The following MIPOL1 variants were observed in gnomAD, a reference collection of about 807,000 sequenced individuals.
MIPOL1 encodes the protein mirror-image polydactyly gene 1 protein.
MIPOL1 carries 57 observed loss-of-function variants against 60.9 expected under a neutral mutation model. The observed-to-expected ratio is 0.94, with a 90% CI of 0.76 to 1.17. The LOEUF is 1.17. Among genes scored for constraint, MIPOL1 ranks in the 50% most tolerant of loss-of-function variants. The pLI is 0.00. For missense variants in MIPOL1, 551 were observed against 511.6 expected (o/e 1.08, Z -0.74); for synonymous variants, 179 against 168.8 (o/e 1.06, Z -0.47).
chr14:37,537,881 C>T (rs1023312567), intron 12 of MIPOL1, among the ~76,000 whole-genome samples: 4 of 152,206 alleles, frequency 2.6e-5, no homozygotes, highest in African/African-American at 9.7e-5. Flanking sequence ...TGCAAACACA[C>T]CATATTTGCC....
At chr14:37,269,646 T>C (rs2083141401) in intron 5 of MIPOL1, among the ~76,000 whole-genome samples, 1 of 152,158 alleles carries the variant, frequency 6.6e-6, no homozygotes, top group Non-Finnish European at 1.5e-5. Flanking sequence ...GATGGGGTAG[T>C]ATTCTCAAAG....
rs138863775 is a variant in MIPOL1 at position 37,395,344 on chromosome 14, G to A, written c.936+25720G>A. The stretch of plus-strand genomic sequence containing the variant: ...ATTTGTAGATTGCTTTTGGCAGTGC[G>A]GTCATTTTCAACAATATTGATTCTA... On this transcript the variant is annotated intron_variant, in intron 10 of 12. Transcript: ENST00000684589. Among the ~76,000 whole-genome samples, 920 of 152,146 alleles carry A rather than the reference G, an allele frequency of 6.0e-3. 13 individuals carry two copies. The highest frequency in any genetic ancestry group is 0.021 in the African/African-American group (852 of 41,522).
intron 11 of MIPOL1, among the ~76,000 whole-genome samples, chr14:37,466,884 G>A (rs1056533704): frequency 6.6e-6 from 1 of 152,154 alleles, no homozygotes; most frequent in Non-Finnish European, 1.5e-5. Flanking sequence ...TATCAGATCA[G>A]AATTGATTTC....
At chr14:37,330,092 G>A (rs1389590335) in intron 9 of MIPOL1, among the ~76,000 whole-genome samples, 1 of 151,986 alleles carries the variant, frequency 6.6e-6, no homozygotes, top group Non-Finnish European at 1.5e-5. Context: ...AAAGGAATAA[G>A]CCAAATCAGA....
intron 10 of MIPOL1, among the ~76,000 whole-genome samples, chr14:37,418,020 A>G (rs908748674): frequency 6.6e-6 from 1 of 152,182 alleles, no homozygotes; most frequent in Non-Finnish European, 1.5e-5. Context: ...TTCCAAGTCT[A>G]AAATTATTTG....
chr14:37,298,116 G>T (rs1161773853), intron 7 of MIPOL1, among the ~76,000 whole-genome samples: 2 of 152,154 alleles, frequency 1.3e-5, no homozygotes, highest in South Asian at 4.2e-4. Flanking sequence ...TAGACCAATG[G>T]AACAAAATAG....
At chr14:37,284,885 G>A (rs1294431670) in intron 6 of MIPOL1, among the ~76,000 whole-genome samples, 3 of 152,178 alleles carry the variant, frequency 2.0e-5, no homozygotes, top group Non-Finnish European at 4.4e-5. Flanking sequence ...GCTACAGTAA[G>A]TATTTTTATA....
At chr14:37,274,378 T>C (rs12886692) in intron 6 of MIPOL1, among the ~76,000 whole-genome samples, 52,507 of 151,128 alleles carry the variant, frequency 0.35, 9,148 homozygotes, top group East Asian at 0.46. Context: ...CTACCTTTCT[T>C]TTCCTTTCTC....
At chr14:37,317,551 G>A (rs748116952) in intron 9 of MIPOL1, among the ~76,000 whole-genome samples, 15 of 152,174 alleles carry the variant, frequency 9.9e-5, no homozygotes, top group South Asian at 8.3e-4. Flanking sequence ...CTCCCTCACT[G>A]TGGACTCTCC....
At chr14:37,309,733 C>G (rs1042897259) in intron 9 of MIPOL1, among the ~76,000 whole-genome samples, 1 of 150,844 alleles carries the variant, frequency 6.6e-6, no homozygotes, top group Non-Finnish European at 1.5e-5. Context: ...GTCACCCAGG[C>G]TGGAGTGCAG....
intron 9 of MIPOL1, among the ~76,000 whole-genome samples, chr14:37,351,457 A>G (rs1404291201): frequency 3.3e-5 from 5 of 151,916 alleles, no homozygotes; most frequent in Non-Finnish European, 7.4e-5. Context: ...TGGTATTTCC[A>G]GTTCTAGATC....
At chr14:37,256,798 G>A (rs1392535036) in intron 3 of MIPOL1, among the ~76,000 whole-genome samples, 2 of 151,720 alleles carry the variant, frequency 1.3e-5, no homozygotes, top group African/African-American at 2.4e-5. Context: ...TGCTTTCCAT[G>A]ATGTTCTATA....
intron 12 of MIPOL1, among the ~76,000 whole-genome samples, chr14:37,517,902 G>T (rs1456010051): frequency 6.6e-6 from 1 of 152,146 alleles, no homozygotes; most frequent in Non-Finnish European, 1.5e-5. Context: ...CAACTTTTCT[G>T]AGTATGCCCT....
chr14:37,309,041 A>T (rs2087045538), intron 9 of MIPOL1, among the ~76,000 whole-genome samples: 1 of 152,018 alleles, frequency 6.6e-6, no homozygotes, highest in Non-Finnish European at 1.5e-5. Flanking sequence ...CCTTTCAACT[A>T]GTGGCTGTGC....
intron 9 of MIPOL1, among the ~76,000 whole-genome samples, chr14:37,323,248 C>G (rs2088802506): frequency 6.6e-6 from 1 of 151,996 alleles, no homozygotes; most frequent in Admixed American, 6.6e-5. Context: ...TTCCCCCTTG[C>G]TTGTTTTTGT....
intron 10 of MIPOL1, among the ~76,000 whole-genome samples, chr14:37,375,627 T>G (rs1012370103): frequency 2.6e-5 from 4 of 152,224 alleles, no homozygotes; most frequent in African/African-American, 9.6e-5. Context: ...ATATTTATTA[T>G]GTATTATCTT....
chr14:37,201,220 C>A (rs1965288612), intron 1 of MIPOL1, among the ~76,000 whole-genome samples: 1 of 152,020 alleles, frequency 6.6e-6, no homozygotes, highest in South Asian at 2.1e-4. Flanking sequence ...TGTAAAGCAG[C>A]ATGTGTTATA....
intron 9 of MIPOL1, among the ~76,000 whole-genome samples, chr14:37,357,122 C>G (rs2091901170): frequency 6.6e-6 from 1 of 152,054 alleles, no homozygotes; most frequent in Non-Finnish European, 1.5e-5. Flanking sequence ...GAGTATATAC[C>G]CAGTAGTGGG....
intron 1 of MIPOL1, among the ~76,000 whole-genome samples, chr14:37,203,391 G>T (rs1391020744): frequency 6.6e-6 from 1 of 152,098 alleles, no homozygotes; most frequent in Non-Finnish European, 1.5e-5. Context: ...GGTCATTTAG[G>T]CTACCTTCTC....
Sources: gnomAD v4.1 joint callset for allele counts (sites outside exome capture counted in the v4.1 genomes callset) on GRCh38, gnomAD v4.1.1 for gene constraint, MANE v1.5 for transcripts, NCBI Gene and HGNC (gene_info 2026-07-23, HGNC 2026-07-21) for gene names.